SOX5: variants seen among roughly 807,000 people sequenced by gnomAD.
SOX5 encodes transcription factor SOX-5.
A neutral mutation model predicts 92.0 loss-of-function variants in SOX5; 9 were observed. The ratio of observed to expected loss-of-function variants is 0.10; its 90% confidence interval spans 0.06 to 0.17. The LOEUF (loss-of-function observed/expected upper bound fraction) is 0.17. SOX5 is among the 10% of genes least tolerant of loss of function. The probability of loss-of-function intolerance (pLI) is 1.00; values close to 1 mark genes in which losing one functional copy is unlikely to be tolerated. For synonymous variants in SOX5, 344 were observed against 336.3 expected (o/e 1.02, Z -0.25); for missense variants, 642 against 944.5 (o/e 0.68, Z 4.20).
chr12:23,713,332 G>T (rs544936082), intron 6 of SOX5, among the ~76,000 whole-genome samples: 1 of 152,178 alleles, frequency 6.6e-6, no homozygotes, highest in Admixed American at 6.5e-5. Flanking sequence ...CTCCATAATT[G>T]TGAGGGAATA....
intron 2 of SOX5, among the ~76,000 whole-genome samples, chr12:24,340,638 TG>T (rs1249382776): frequency 3.3e-5 from 5 of 152,244 alleles, no homozygotes; most frequent in African/African-American, 1.2e-4. Flanking sequence ...TGGTCACCAA[TG>T]AATTTTCTAT....
chr12:24,394,565 C>A (rs1417510736), intron 1 of SOX5, among the ~76,000 whole-genome samples: 1 of 152,176 alleles, frequency 6.6e-6, no homozygotes. Flanking sequence ...TCCACCTCTT[C>A]TCTGCTCTAA....
At chr12:24,290,253 G>T (rs1946469971) in intron 2 of SOX5, among the ~76,000 whole-genome samples, 1 of 152,070 alleles carries the variant, frequency 6.6e-6, no homozygotes, top group Admixed American at 6.6e-5. Context: ...TATTTATTTT[G>T]ATATCTTAGT....
intron 6 of SOX5, among the ~76,000 whole-genome samples, chr12:23,691,042 G>A (rs1262042075): frequency 6.6e-6 from 1 of 152,188 alleles, no homozygotes; most frequent in Non-Finnish European, 1.5e-5. Context: ...TGAGGGCAGA[G>A]CTCTCACAAG....
At chr12:23,819,616 C>T (rs548370720) in intron 3 of SOX5, among the ~76,000 whole-genome samples, 71 of 152,208 alleles carry the variant, frequency 4.7e-4, no homozygotes, top group African/African-American at 1.6e-3. Flanking sequence ...GTGTGATGTT[C>T]CCCTCTCTGT....
chr12:24,082,105 T>C (rs1386645306), intron 4 of SOX5, among the ~76,000 whole-genome samples: 1 of 151,906 alleles, frequency 6.6e-6, no homozygotes, highest in East Asian at 1.9e-4. Flanking sequence ...TTTTCGAGCA[T>C]GTGTAACAAA....
chr12:24,200,991 C>T (rs200957974), intron 4 of SOX5, among the ~76,000 whole-genome samples: 1 of 152,276 alleles, frequency 6.6e-6, no homozygotes, highest in East Asian at 1.9e-4. Flanking sequence ...GGGAACCAGA[C>T]CTCCACCTCC....
At chr12:23,608,102 T>A (rs2137635931) in intron 8 of SOX5, among the ~76,000 whole-genome samples, 1 of 59,148 alleles carries the variant, frequency 1.7e-5, no homozygotes, top group African/African-American at 7.2e-5. Context: ...AGACGTTGTC[T>A]CAAAAGAAAA....
At chr12:24,279,203 G>A (rs1944871983) in intron 2 of SOX5, among the ~76,000 whole-genome samples, 1 of 151,934 alleles carries the variant, frequency 6.6e-6, no homozygotes, top group South Asian at 2.1e-4. Context: ...TATCACTATG[G>A]CAAAAGATTG....
chr12:24,093,534 A>G (rs1266444083), intron 4 of SOX5, among the ~76,000 whole-genome samples: 1 of 149,856 alleles, frequency 6.7e-6, no homozygotes, highest in African/African-American at 2.5e-5. Context: ...AAAAAAAAAA[A>G]ACAAAAACAA....
chr12:23,824,304 A>G (rs541503606), intron 3 of SOX5, among the ~76,000 whole-genome samples: 1 of 151,942 alleles, frequency 6.6e-6, no homozygotes, highest in Non-Finnish European at 1.5e-5. Flanking sequence ...GAGTTTTTGC[A>G]TGGTTGTCCT....
intron 4 of SOX5, among the ~76,000 whole-genome samples, chr12:24,210,729 A>G (rs1958517970): frequency 6.6e-6 from 1 of 152,100 alleles, no homozygotes; most frequent in African/African-American, 2.4e-5. Flanking sequence ...AATTCTGTGA[A>G]TTAAAGACAT....
At position 23,881,222 on chromosome 12, in the gene SOX5, G is replaced by A. The variant is rs113583970; in HGVS notation, c.270+14571C>T. On this transcript the variant is annotated intron_variant, in intron 2 of 14. Coordinates refer to ENST00000451604, the MANE Select transcript of SOX5 (RefSeq NM_006940.6). ...GGAGGCTGTAAACCGCCTGCTATCC[G>A]GGGACATGCTCAAGTCGATTTGCAC... 7.5e-4 allele frequency among the ~76,000 whole-genome samples: 114 copies of A among 152,220 alleles called. 1 individual carries two copies. Among genetic ancestry groups the A allele is most frequent in the Non-Finnish European group, 2.6e-4 (18 of 68,018 alleles).
intron 3 of SOX5, among the ~76,000 whole-genome samples, chr12:23,757,392 C>T (rs1469656831): frequency 6.6e-6 from 1 of 151,952 alleles, no homozygotes; most frequent in African/African-American, 2.4e-5. Flanking sequence ...CTCTAGGAGT[C>T]ATAAAACAGA....
chr12:23,764,393 T>C (rs2094648217), intron 3 of SOX5, among the ~76,000 whole-genome samples: 1 of 152,052 alleles, frequency 6.6e-6, no homozygotes, highest in South Asian at 2.1e-4. Flanking sequence ...ATACATTATG[T>C]CATAAAGTAT....
At chr12:23,782,393 T>C (rs867083813) in intron 3 of SOX5, among the ~76,000 whole-genome samples, 15 of 152,218 alleles carry the variant, frequency 9.9e-5, no homozygotes, top group Middle Eastern at 6.8e-3. Flanking sequence ...AAATCAGAGA[T>C]ATGCAGAAGC....
intron 2 of SOX5, among the ~76,000 whole-genome samples, chr12:24,316,638 G>T (rs1949718896): frequency 6.6e-6 from 1 of 152,114 alleles, no homozygotes; most frequent in African/African-American, 2.4e-5. Flanking sequence ...CCATCTCTTA[G>T]CATGTACATA....
At chr12:24,553,108 A>G (rs1953373816) in intron 1 of SOX5, among the ~76,000 whole-genome samples, 1 of 152,230 alleles carries the variant, frequency 6.6e-6, no homozygotes, top group Admixed American at 6.5e-5. Flanking sequence ...ACTATTTCTC[A>G]TCTCTTCCTC....
At chr12:24,490,181 C>T (rs1946909811) in intron 1 of SOX5, among the ~76,000 whole-genome samples, 1 of 152,218 alleles carries the variant, frequency 6.6e-6, no homozygotes, top group African/African-American at 2.4e-5. Context: ...TTCTATAACT[C>T]AGCTTTCTTT....
Sources: gnomAD v4.1 joint callset for allele counts (sites outside exome capture counted in the v4.1 genomes callset) on GRCh38, gnomAD v4.1.1 for gene constraint, MANE v1.5 for transcripts, NCBI Gene and HGNC (gene_info 2026-07-23, HGNC 2026-07-21) for gene names.